MACROD2: variants seen among roughly 807,000 people sequenced by gnomAD.
The protein encoded by MACROD2 is ADP-ribose glycohydrolase MACROD2.
In MACROD2, 36 loss-of-function variants were observed where a neutral mutation model predicts 70.4. That is an observed-to-expected ratio of 0.51 (90% CI 0.39 to 0.68). The LOEUF (loss-of-function observed/expected upper bound fraction) is 0.68. Among genes scored for constraint, MACROD2 ranks in the 30% least tolerant of loss-of-function variants. The pLI, the probability that MACROD2 is intolerant of heterozygous loss-of-function variation, is 0.00. For missense variants in MACROD2, 496 were observed against 538.4 expected (o/e 0.92, Z 0.78); for synonymous variants, 172 against 178.8 (o/e 0.96, Z 0.30).
At chr20:15,563,112 C>T (rs1455550798) in intron 8 of MACROD2, among the ~76,000 whole-genome samples, 1 of 152,182 alleles carries the variant, frequency 6.6e-6, no homozygotes, top group Non-Finnish European at 1.5e-5. Context: ...TGCTTATTCG[C>T]TGATGAGGAT....
intron 8 of MACROD2, among the ~76,000 whole-genome samples, chr20:15,519,531 GA>G (rs1166633483): frequency 6.6e-6 from 1 of 152,122 alleles, no homozygotes; most frequent in Non-Finnish European, 1.5e-5. Context: ...AATTTTTAAA[GA>G]AACTTTTTAT....
chr20:14,587,275 C>G (rs1413722017), intron 4 of MACROD2, among the ~76,000 whole-genome samples: 1 of 151,606 alleles, frequency 6.6e-6, no homozygotes, highest in East Asian at 1.9e-4. Context: ...ACCTTAGCTA[C>G]TTTGAATTCT....
rs546384173 is a variant in MACROD2, at chr20:15,710,616, G to C, written c.646-152129G>C. Among the ~76,000 whole-genome samples the C allele has an allele frequency of 3.9e-5, 6 of 152,264 alleles. No homozygotes were observed. In the South Asian group the frequency reaches 1.0e-3, roughly 26 times the overall value. ...TCAAGTGTTTATGGGCGTGAAAAAG[G>C]CTTTCCATTAAAGGAAACCCTGTCA... On this transcript the variant is annotated intron_variant, in intron 8 of 17. Coordinates refer to ENST00000684519, the MANE Select transcript of MACROD2 (RefSeq NM_001351661.2).
In MACROD2 at chr20:14,942,578, T is replaced by A. The variant is rs537108464; in HGVS notation, c.418+257619T>A. Among the ~76,000 whole-genome samples, 49 of 152,304 alleles carry A rather than the reference T, an allele frequency of 3.2e-4. 1 individual carries two copies. Among genetic ancestry groups the A allele is most frequent in the Admixed American group, 2.6e-3 (40 of 15,292 alleles). On this transcript the variant is annotated intron_variant, in intron 5 of 17. Transcript: ENST00000684519. ...AAAATATTCTTTCTTTCAGGATACG[T>A]AACAAATCAAGTGGCTGCAAAGCCA...
intron 10 of MACROD2, among the ~76,000 whole-genome samples, chr20:15,905,589 C>T (rs1435286086): frequency 1.3e-5 from 2 of 152,148 alleles, no homozygotes. Context: ...GCCAATAGGA[C>T]ATTTGAGGAC....
intron 2 of MACROD2, among the ~76,000 whole-genome samples, chr20:14,010,131 G>C (rs752081564): frequency 1.3e-5 from 2 of 152,038 alleles, no homozygotes; most frequent in Non-Finnish European, 2.9e-5. Context: ...GAACTTAAAT[G>C]AAAGTTGGAA....
At chr20:14,587,029 A>G (rs550343904) in intron 4 of MACROD2, among the ~76,000 whole-genome samples, 67 of 151,994 alleles carry the variant, frequency 4.4e-4, no homozygotes, top group African/African-American at 1.6e-3. Flanking sequence ...TAATTTAGAG[A>G]AACTAGATTT....
Position 14,029,325 on chromosome 20 carries a change from T to C in MACROD2, c.163+26921T>C, listed in dbSNP as rs1040369861. ...AAAAAACGCATCATAGAATTGAACATATATAGTATGTTGAATTTGTTTTGA... is the reference window on the plus strand; with the variant it reads ...AAAAAACGCATCATAGAATTGAACACATATAGTATGTTGAATTTGTTTTGA... On this transcript the variant is annotated intron_variant, in intron 2 of 17. Coordinates refer to ENST00000684519, the MANE Select transcript of MACROD2 (RefSeq NM_001351661.2). 2.6e-5 allele frequency among the ~76,000 whole-genome samples: 4 copies of C among 152,214 alleles called. No homozygotes were observed. The South Asian group carries it at 8.3e-4, about 31-fold the overall frequency.
At chr20:15,225,546 T>G (rs1601256044) in intron 5 of MACROD2, among the ~76,000 whole-genome samples, 1 of 152,216 alleles carries the variant, frequency 6.6e-6, no homozygotes, top group Non-Finnish European at 1.5e-5. Context: ...CAGAGATGTT[T>G]TATGCATGTA....
intron 5 of MACROD2, among the ~76,000 whole-genome samples, chr20:15,032,202 G>A (rs1444386543): frequency 1.3e-5 from 2 of 152,198 alleles, no homozygotes; most frequent in African/African-American, 4.8e-5. Flanking sequence ...GGCTTCCCAG[G>A]CCCCCAGGAG....
At chr20:14,957,377 C>G (rs2074546404) in intron 5 of MACROD2, among the ~76,000 whole-genome samples, 2 of 152,098 alleles carry the variant, frequency 1.3e-5, no homozygotes, top group Non-Finnish European at 2.9e-5. Flanking sequence ...AGAGTTACTT[C>G]TTGGTCTGTT....
chr20:15,648,284 A>G (rs140721983), intron 8 of MACROD2, among the ~76,000 whole-genome samples: 1 of 152,338 alleles, frequency 6.6e-6, no homozygotes, highest in Non-Finnish European at 1.5e-5. Context: ...ATATTTAAGA[A>G]GCATCATCTC....
intron 5 of MACROD2, among the ~76,000 whole-genome samples, chr20:15,219,020 T>TG (rs762345384): frequency 6.6e-6 from 1 of 151,896 alleles, no homozygotes; most frequent in Non-Finnish European, 1.5e-5. Flanking sequence ...CACTCCAGCC[T>TG]GGGCGACAGA....
At chr20:14,011,948 G>A (rs1158411873) in intron 2 of MACROD2, among the ~76,000 whole-genome samples, 3 of 150,996 alleles carry the variant, frequency 2.0e-5, no homozygotes, top group Admixed American at 6.6e-5. Context: ...TCGCTCTGTC[G>A]CCCAGGCTGG....
intron 5 of MACROD2, among the ~76,000 whole-genome samples, chr20:15,054,193 T>G (rs992743298): frequency 6.6e-6 from 1 of 152,240 alleles, no homozygotes; most frequent in Non-Finnish European, 1.5e-5. Context: ...TTCCGTAAAT[T>G]TAATTGATAA....
At chr20:14,077,162 CAT>C (rs2053925913) in intron 2 of MACROD2, among the ~76,000 whole-genome samples, 1 of 166 alleles carries the variant, frequency 6.0e-3, no homozygotes, top group Admixed American at 0.083. Flanking sequence ...CTTAGACTTA[CAT>C]TACATTACAT....
chr20:15,003,254 G>A (rs2075009723), intron 5 of MACROD2, among the ~76,000 whole-genome samples: 1 of 152,164 alleles, frequency 6.6e-6, no homozygotes, highest in Non-Finnish European at 1.5e-5. Context: ...GGGGAAATAA[G>A]ACACACAATT....
intron 8 of MACROD2, among the ~76,000 whole-genome samples, chr20:15,744,430 T>C (rs1007710609): frequency 6.6e-6 from 1 of 152,204 alleles, no homozygotes; most frequent in Non-Finnish European, 1.5e-5. Flanking sequence ...TATTTGAAGG[T>C]ACTAAGCTTA....
At chr20:15,019,035 T>G (rs1057462835) in intron 5 of MACROD2, among the ~76,000 whole-genome samples, 3 of 152,176 alleles carry the variant, frequency 2.0e-5, no homozygotes, top group Non-Finnish European at 4.4e-5. Context: ...TTACCCAGTC[T>G]CAAGTATTCT....
Sources: allele counts gnomAD v4.1 joint callset (sites outside exome capture counted in the v4.1 genomes callset), GRCh38; gene constraint gnomAD v4.1.1; transcripts MANE v1.5; gene names NCBI Gene and HGNC (gene_info 2026-07-23, HGNC 2026-07-21).